KCNB2: variants seen among roughly 807,000 people sequenced by gnomAD.
KCNB2 encodes delayed rectifier potassium channel protein.
A neutral mutation model predicts 61.5 loss-of-function variants in KCNB2; 15 were observed. The observed-to-expected ratio is 0.24, with a 90% CI of 0.16 to 0.38. The LOEUF is 0.38. KCNB2 is among the 10% of genes least tolerant of loss of function. The pLI, the probability that KCNB2 is intolerant of heterozygous loss-of-function variation, is 1.00. For missense variants in KCNB2, 828 were observed against 1,125.2 expected (o/e 0.74, Z 3.78); for synonymous variants, 457 against 446.0 (o/e 1.02, Z -0.31).
At chr8:72,768,292 C>T (rs1273557167) in intron 2 of KCNB2, among the ~76,000 whole-genome samples, 1 of 151,898 alleles carries the variant, frequency 6.6e-6, no homozygotes, top group African/African-American at 2.4e-5. Context: ...TCCTGCCTCA[C>T]CCTCCTGAGT....
intron 2 of KCNB2, among the ~76,000 whole-genome samples, chr8:72,777,366 C>T (rs185182767): frequency 1.2e-3 from 187 of 152,160 alleles, no homozygotes; most frequent in African/African-American, 4.3e-3. Context: ...GGGGTGATGA[C>T]GTTTTCTTGA....
chr8:72,885,058 G>A (rs1450306224), intron 2 of KCNB2, among the ~76,000 whole-genome samples: 2 of 152,150 alleles, frequency 1.3e-5, no homozygotes, highest in Admixed American at 6.5e-5. Context: ...AATCCTAAAT[G>A]AGTGTTGAAT....
chr8:72,907,320 G>A (rs927214749), intron 2 of KCNB2, among the ~76,000 whole-genome samples: 1 of 152,042 alleles, frequency 6.6e-6, no homozygotes, highest in African/African-American at 2.4e-5. Context: ...TCATGCCACT[G>A]CACTCCAGCC....
intron 2 of KCNB2, among the ~76,000 whole-genome samples, chr8:72,926,008 C>A (rs1327579220): frequency 6.6e-6 from 1 of 152,196 alleles, no homozygotes; most frequent in Non-Finnish European, 1.5e-5. Flanking sequence ...AAAAAACAAA[C>A]ACCACATGTT....
At chr8:72,812,638 A>G (rs1809325526) in intron 2 of KCNB2, among the ~76,000 whole-genome samples, 1 of 152,076 alleles carries the variant, frequency 6.6e-6, no homozygotes, top group South Asian at 2.1e-4. Context: ...TTCTGGGTCT[A>G]TGGAGATGAC....
At chr8:72,577,611 G>T (rs368160970) in intron 2 of KCNB2, among the ~76,000 whole-genome samples, 133 of 152,278 alleles carry the variant, frequency 8.7e-4, no homozygotes, top group African/African-American at 3.1e-3. Context: ...GTTTCAGGAT[G>T]CTAGAGGTCA....
rs1189336093 is a variant in KCNB2, at chr8:72,561,727, A to ATATG, written c.-93-5914_-93-5913insATGT. On this transcript the variant is annotated intron_variant, in intron 1 of 2. Coordinates refer to ENST00000523207, the MANE Select transcript of KCNB2 (RefSeq NM_004770.3). ...TATATATATATATATATATATATAT[A>ATATG]TCTATATCTATATATATATGTATAT... is the stretch of plus-strand genomic sequence containing the variant. Among the ~76,000 whole-genome samples the ATATG allele has an allele frequency of 1.4e-3, 51 of 35,256 alleles. 4 individuals carry two copies. The highest frequency in any genetic ancestry group is 2.5e-3 in the Non-Finnish European group (40 of 15,824). 23.1% of individuals were successfully genotyped at this position (35,256 alleles called of 152,430 possible).
chr8:72,901,921 C>G (rs116086446), intron 2 of KCNB2, among the ~76,000 whole-genome samples: 6,816 of 152,076 alleles, frequency 0.045, 525 homozygotes, highest in African/African-American at 0.15. Flanking sequence ...AACAATGTCA[C>G]CAGTGAATAG....
intron 2 of KCNB2, among the ~76,000 whole-genome samples, chr8:72,703,473 T>C (rs527361295): frequency 1.3e-5 from 2 of 152,278 alleles, no homozygotes; most frequent in African/African-American, 2.4e-5. Flanking sequence ...TTGTCAGCAG[T>C]TGGGGCAAGG....
chr8:72,874,537 C>A (rs1010496610), intron 2 of KCNB2, among the ~76,000 whole-genome samples: 2 of 152,178 alleles, frequency 1.3e-5, no homozygotes, highest in African/African-American at 4.8e-5. Flanking sequence ...CCCTGCCCTT[C>A]GGTAACTAAC....
intron 2 of KCNB2, among the ~76,000 whole-genome samples, chr8:72,620,042 T>A (rs1805692003): frequency 2.0e-5 from 3 of 152,240 alleles, no homozygotes; most frequent in Non-Finnish European, 4.4e-5. Context: ...TTATACTGAT[T>A]GCATGCTGCA....
At chr8:72,699,633 C>G (rs1339749241) in intron 2 of KCNB2, among the ~76,000 whole-genome samples, 1 of 152,112 alleles carries the variant, frequency 6.6e-6, no homozygotes, top group African/African-American at 2.4e-5. Flanking sequence ...GCTTTGGTTG[C>G]AATTGCTTTT....
intron 2 of KCNB2, among the ~76,000 whole-genome samples, chr8:72,583,355 A>G (rs1294452104): frequency 6.6e-6 from 1 of 152,206 alleles, no homozygotes; most frequent in Non-Finnish European, 1.5e-5. Flanking sequence ...TTTTAATGAG[A>G]TAATTGCTAA....
At chr8:72,653,145 T>G (rs1362161624) in intron 2 of KCNB2, among the ~76,000 whole-genome samples, 1 of 152,212 alleles carries the variant, frequency 6.6e-6, no homozygotes, top group Non-Finnish European at 1.5e-5. Context: ...AAATTCAAGA[T>G]GACCTTGTCC....
At chr8:72,809,304 C>T (rs922508169) in intron 2 of KCNB2, among the ~76,000 whole-genome samples, 12 of 152,308 alleles carry the variant, frequency 7.9e-5, no homozygotes, top group African/African-American at 2.9e-4. Context: ...GTTTCCCTAA[C>T]CAGTTTATCT....
chr8:72,821,648 A>C (rs199654563), intron 2 of KCNB2, among the ~76,000 whole-genome samples: 28,027 of 146,484 alleles, frequency 0.19, 3,049 homozygotes, highest in Non-Finnish European at 0.27. Flanking sequence ...AAACAAAAAA[A>C]AAAAAAAAAA....
At chr8:72,649,551 C>T (rs1452010610) in intron 2 of KCNB2, among the ~76,000 whole-genome samples, 1 of 152,090 alleles carries the variant, frequency 6.6e-6, no homozygotes, top group Non-Finnish European at 1.5e-5. Context: ...GCAATATACT[C>T]ATGTTACAAA....
intron 2 of KCNB2, among the ~76,000 whole-genome samples, chr8:72,795,063 A>C (rs1253022125): frequency 6.6e-6 from 1 of 152,244 alleles, no homozygotes; most frequent in Non-Finnish European, 1.5e-5. Flanking sequence ...CCTGGACTGA[A>C]AATATATAGG....
rs143130851 is a variant in KCNB2 at position 72,608,183 on chromosome 8, A to T, written c.579+39870A>T. On this transcript the variant is annotated intron_variant, in intron 2 of 2. Coordinates refer to ENST00000523207, the MANE Select transcript of KCNB2 (RefSeq NM_004770.3). ...GAGGCTGAAGAAAGCCCCTTGGAGAAGGAGTCTGCTTTGTGCACATCTGTG... is the reference window on the plus strand; with the variant it reads ...GAGGCTGAAGAAAGCCCCTTGGAGATGGAGTCTGCTTTGTGCACATCTGTG... Among the ~76,000 whole-genome samples, 682 of 152,252 alleles carry T rather than the reference A, an allele frequency of 4.5e-3. 2 individuals are homozygous for T. The highest frequency in any genetic ancestry group is 6.1e-3 in the Non-Finnish European group (413 of 68,026).
Sources: allele counts gnomAD v4.1 joint callset (sites outside exome capture counted in the v4.1 genomes callset), GRCh38; gene constraint gnomAD v4.1.1; transcripts MANE v1.5; gene names NCBI Gene and HGNC (gene_info 2026-07-23, HGNC 2026-07-21).